Variants in FNDC3A observed in about 807,000 individuals in gnomAD.
FNDC3A encodes fibronectin type III domain containing 3A, also known as fibronectin type-III domain-containing protein 3A.
A neutral mutation model predicts 148.9 loss-of-function variants in FNDC3A; 32 were observed. The ratio of observed to expected loss-of-function variants is 0.21; its 90% confidence interval spans 0.16 to 0.29. The LOEUF is 0.29. Ranked by LOEUF, FNDC3A falls within the 10% of genes least tolerant of loss-of-function variation. The pLI, the probability that FNDC3A is intolerant of heterozygous loss-of-function variation, is 1.00. For synonymous variants in FNDC3A, 472 were observed against 473.6 expected, an observed-to-expected ratio of 1.00 and a Z score of 0.04; for missense variants, 1,191 against 1,452.8, an observed-to-expected ratio of 0.82 and a Z score of 2.93.
At chr13:49,199,192 T>C (rs1019333549) in intron 23 of FNDC3A, among the ~76,000 whole-genome samples, 1 of 151,936 alleles carries the variant, frequency 6.6e-6, no homozygotes, top group East Asian at 1.9e-4. Flanking sequence ...GGCTAATTTT[T>C]GTATTTTTAG....
At chr13:49,187,698 A>C in intron 16 of FNDC3A, 4 of 1,496,886 alleles carry the variant, frequency 2.7e-6, no homozygotes, top group Non-Finnish European at 2.8e-6. Flanking sequence ...TGCGAAAGGC[A>C]CAGAAACCGA....
At chr13:49,013,901 T>C (rs1952429353) in intron 2 of FNDC3A, among the ~76,000 whole-genome samples, 1 of 151,826 alleles carries the variant, frequency 6.6e-6, no homozygotes, top group Non-Finnish European at 1.5e-5. Context: ...TCCAATTTCA[T>C]CCATGTCCCC....
Position 49,061,316 on chromosome 13 carries a change from TCTC to T in FNDC3A, c.100-13972_100-13970del, listed in dbSNP as rs145589923. 5.9e-3 allele frequency among the ~76,000 whole-genome samples: 636 copies of T among 108,074 alleles called. 12 individuals carry two copies. In the East Asian group the frequency reaches 0.061, roughly 10 times the overall value. 70.9% of individuals were successfully genotyped at this position (108,074 alleles called of 152,430 possible). ...TTTCCATTTTCCATTTTCCCTCTCT[TCTC>T]TTCCCTTCCCTTCCCTTCCCTTCCC... On this transcript the variant is annotated intron_variant, in intron 2 of 25. Coordinates refer to ENST00000492622, the MANE Select transcript of FNDC3A (RefSeq NM_001079673.2).
chr13:49,070,906 TTC>T (rs1484600516), intron 2 of FNDC3A, among the ~76,000 whole-genome samples: 2 of 148,458 alleles, frequency 1.3e-5, no homozygotes, highest in African/African-American at 2.5e-5. Flanking sequence ...TTTGTTTTTT[TTC>T]TTTTTTTTGA....
At chr13:49,204,124 T>C (rs1886540763) in intron 25 of FNDC3A, among the ~76,000 whole-genome samples, 1 of 152,220 alleles carries the variant, frequency 6.6e-6, no homozygotes, top group Admixed American at 6.5e-5. Flanking sequence ...AATATGACAT[T>C]AGGCATGAAG....
intron 14 of FNDC3A, among the ~76,000 whole-genome samples, chr13:49,182,120 C>CTACA (rs1239467083): frequency 3.9e-5 from 6 of 151,990 alleles, no homozygotes; most frequent in African/African-American, 1.4e-4. Context: ...TAAGCTGGGA[C>CTACA]TACAGGCATG....
chr13:49,005,094 A>G (rs1376666133), intron 1 of FNDC3A, among the ~76,000 whole-genome samples: 1 of 151,916 alleles, frequency 6.6e-6, no homozygotes, highest in African/African-American at 2.4e-5. Flanking sequence ...TTATTGTGGT[A>G]TTAACTATGA....
At chr13:48,982,737 C>T (rs576855307) in intron 1 of FNDC3A, among the ~76,000 whole-genome samples, 2 of 152,292 alleles carry the variant, frequency 1.3e-5, no homozygotes, top group South Asian at 4.1e-4. Context: ...TTTCTTACCT[C>T]TTTACAACTT....
At chr13:49,167,400 A>G (rs1057287901) in intron 9 of FNDC3A, 97 bp downstream of exon 9, 1 of 708,502 alleles carries the variant, frequency 1.4e-6, no homozygotes, top group East Asian at 3.0e-5. Flanking sequence ...TAATTTAAAC[A>G]TTAATTTTGG....
chr13:48,984,962 G>A (rs546205981), intron 1 of FNDC3A, among the ~76,000 whole-genome samples: 47 of 152,230 alleles, frequency 3.1e-4, no homozygotes, highest in South Asian at 1.5e-3. Flanking sequence ...GATTACAGGC[G>A]TGAGCCACTG....
chr13:49,014,714 G>A (rs1267063420), intron 2 of FNDC3A, among the ~76,000 whole-genome samples: 2 of 132,046 alleles, frequency 1.5e-5, no homozygotes, highest in Non-Finnish European at 3.3e-5. Context: ...TTTTCTTCTA[G>A]GGTTTTTATG....
At chr13:49,049,089 A>G (rs576523420) in intron 2 of FNDC3A, among the ~76,000 whole-genome samples, 1 of 151,906 alleles carries the variant, frequency 6.6e-6, no homozygotes, top group Non-Finnish European at 1.5e-5. Context: ...TTTGTTTTTA[A>G]TTTTATGTGG....
At chr13:49,080,978 C>T (rs547064376) in intron 3 of FNDC3A, among the ~76,000 whole-genome samples, 1 of 152,238 alleles carries the variant, frequency 6.6e-6, no homozygotes, top group East Asian at 1.9e-4. Flanking sequence ...AGCCCTGATG[C>T]TTTGTATGGC....
At chr13:49,094,069 CTCTT>C (rs994592402) in intron 3 of FNDC3A, among the ~76,000 whole-genome samples, 12 of 152,064 alleles carry the variant, frequency 7.9e-5, no homozygotes, top group African/African-American at 2.4e-4. Flanking sequence ...TTGAAAAAGG[CTCTT>C]TCTTCATTTA....
chr13:49,116,124 G>C (rs1880941098), intron 4 of FNDC3A, among the ~76,000 whole-genome samples: 1 of 152,306 alleles, frequency 6.6e-6, no homozygotes, highest in Admixed American at 6.5e-5. Flanking sequence ...GTTATCTGCT[G>C]TTCTCTCATC....
At chr13:49,174,335 G>A (rs1884916285) in intron 11 of FNDC3A, 100 bp from the exon 12 acceptor site, 1 of 901,220 alleles carries the variant, frequency 1.1e-6, no homozygotes, top group East Asian at 2.5e-5. Context: ...ATGACTTTTA[G>A]TATACACTTG....
chr13:49,197,309 T>A (rs1388603011), intron 20 of FNDC3A, among the ~76,000 whole-genome samples: 1 of 152,244 alleles, frequency 6.6e-6, no homozygotes, highest in East Asian at 1.9e-4. Flanking sequence ...ATTCTATTTC[T>A]CTTATATTTA....
rs1384984579 is a variant in FNDC3A at position 49,138,818 on chromosome 13, T to C, written c.819+13T>C. On this transcript the variant is annotated intron_variant, in intron 7 of 25. Coordinates refer to ENST00000492622, the MANE Select transcript of FNDC3A (RefSeq NM_001079673.2). ...TGTCAAACCAGTGGTAAGTATCTTA[T>C]GTATTTTATTGATGTTTATATTTAA... The C allele has an allele frequency of 1.5e-6, 2 of 1,357,544 alleles. No homozygotes were observed. The highest frequency in any genetic ancestry group is 1.3e-5 in the South Asian group (1 of 74,582). The allele number at this position is 1,357,544 out of a possible 1,614,324, so 84.1% of individuals were successfully genotyped here. A position where few individuals can be genotyped will look rare whatever the true frequency, so the allele number is the denominator to read the frequency against.
intron 9 of FNDC3A, among the ~76,000 whole-genome samples, chr13:49,168,068 A>T (rs769221868): frequency 3.9e-5 from 6 of 152,222 alleles, no homozygotes; most frequent in Non-Finnish European, 7.3e-5. Context: ...CTAAAATTTC[A>T]TAGACTCTAG....
Sources: gnomAD v4.1 joint callset for allele counts (sites outside exome capture counted in the v4.1 genomes callset) on GRCh38, gnomAD v4.1.1 for gene constraint, MANE v1.5 for transcripts, NCBI Gene and HGNC (gene_info 2026-07-23, HGNC 2026-07-21) for gene names.